The following ROR1 variants were observed in gnomAD, a reference collection of about 807,000 sequenced individuals.
The protein encoded by ROR1 is inactive tyrosine-protein kinase transmembrane receptor ROR1.
Under a neutral mutation model 78.8 loss-of-function variants are expected in ROR1, and 19 were observed. The observed-to-expected ratio is 0.24, with a 90% CI of 0.17 to 0.35. The LOEUF (loss-of-function observed/expected upper bound fraction) is 0.35. ROR1 is among the 10% of genes least tolerant of loss of function. ROR1 has a pLI of 1.00. For missense variants in ROR1, 917 were observed against 1,177.8 expected (o/e 0.78, Z 3.24); for synonymous variants, 386 against 433.6 (o/e 0.89, Z 1.36).
At chr1:64,045,684 TA>T (rs1286374989) in intron 2 of ROR1, among the ~76,000 whole-genome samples, 2 of 152,228 alleles carry the variant, frequency 1.3e-5, no homozygotes, top group African/African-American at 4.8e-5. Context: ...AAAATGTTCA[TA>T]ACAATAACTG....
chr1:63,861,924 A>G (rs1645184726), intron 1 of ROR1, among the ~76,000 whole-genome samples: 1 of 152,176 alleles, frequency 6.6e-6, no homozygotes, highest in Admixed American at 6.5e-5. Flanking sequence ...GATTTTATGT[A>G]TTTGCTAAGA....
chr1:64,123,472 G>A (rs1047698241), intron 4 of ROR1, among the ~76,000 whole-genome samples: 102 of 152,120 alleles, frequency 6.7e-4, no homozygotes, highest in Non-Finnish European at 1.1e-3. Flanking sequence ...TCCCATTTTT[G>A]CCACTTAACT....
At chr1:63,814,763 G>C (rs868837453) in intron 1 of ROR1, among the ~76,000 whole-genome samples, 2 of 152,240 alleles carry the variant, frequency 1.3e-5, no homozygotes, top group Non-Finnish European at 1.5e-5. Flanking sequence ...ATGCAAGTGA[G>C]GGGGAGCAGC....
chr1:64,074,185 G>A (rs545358567), intron 4 of ROR1, among the ~76,000 whole-genome samples: 59 of 152,238 alleles, frequency 3.9e-4, no homozygotes, highest in African/African-American at 1.3e-3. Flanking sequence ...AATCAGGGTG[G>A]CCACATGACC....
chr1:64,011,817 A>G (rs1639945563), intron 2 of ROR1, among the ~76,000 whole-genome samples: 1 of 152,204 alleles, frequency 6.6e-6, no homozygotes, highest in African/African-American at 2.4e-5. Flanking sequence ...TCAAAACCTT[A>G]TCGATTCCTA....
chr1:64,121,994 A>G lies in ROR1; in HGVS notation c.483-15375A>G, dbSNP rs556093250. 2.6e-5 allele frequency among the ~76,000 whole-genome samples: 4 copies of G among 152,308 alleles called. No individual in the cohort carries two copies. The South Asian group carries it at 6.2e-4, about 24-fold the overall frequency. ...ACCAGCTGCCACAACCTGGCCACCAACCAGGTGCTCAATTAGTGCTAGTTG... is the reference window on the plus strand; with the variant it reads ...ACCAGCTGCCACAACCTGGCCACCAGCCAGGTGCTCAATTAGTGCTAGTTG... On this transcript the variant is annotated intron_variant, in intron 4 of 8. Coordinates refer to ENST00000371079, the MANE Select transcript of ROR1 (RefSeq NM_005012.4).
chr1:63,832,946 T>A (rs778163458), intron 1 of ROR1, among the ~76,000 whole-genome samples: 46 of 152,340 alleles, frequency 3.0e-4, no homozygotes, highest in Non-Finnish European at 4.8e-4. Flanking sequence ...TTCTGTCCAT[T>A]TTCTGATAAC....
intron 1 of ROR1, among the ~76,000 whole-genome samples, chr1:63,804,101 T>C (rs1644814078): frequency 6.6e-6 from 1 of 151,982 alleles, no homozygotes; most frequent in Non-Finnish European, 1.5e-5. Flanking sequence ...AGATTAATGG[T>C]TGCCAGGGTT....
chr1:64,101,631 A>G (rs1451907243), intron 4 of ROR1, among the ~76,000 whole-genome samples: 1 of 151,998 alleles, frequency 6.6e-6, no homozygotes, highest in Non-Finnish European at 1.5e-5. Context: ...TGGAGCTTAC[A>G]TTCTTGAGGG....
chr1:64,160,455 A>T (rs1649906282), intron 8 of ROR1, among the ~76,000 whole-genome samples: 1 of 152,056 alleles, frequency 6.6e-6, no homozygotes, highest in East Asian at 1.9e-4. Flanking sequence ...GTGAATTTTT[A>T]TCATTAAAAA....
intron 2 of ROR1, among the ~76,000 whole-genome samples, chr1:64,027,395 A>G (rs1646620971): frequency 1.3e-5 from 2 of 152,106 alleles, no homozygotes; most frequent in African/African-American, 4.8e-5. Flanking sequence ...CTCAACCTAA[A>G]TTATCTGCTG....
At chr1:64,174,883 A>G (rs1175034721) in intron 8 of ROR1, among the ~76,000 whole-genome samples, 1 of 152,116 alleles carries the variant, frequency 6.6e-6, no homozygotes, top group African/African-American at 2.4e-5. Context: ...TTGCTCTCTC[A>G]AAGGAATTCT....
At chr1:63,854,116 A>G (rs1467119416) in intron 1 of ROR1, among the ~76,000 whole-genome samples, 2 of 152,214 alleles carry the variant, frequency 1.3e-5, no homozygotes, top group African/African-American at 4.8e-5. Flanking sequence ...TAGCTTCAGG[A>G]AAAATAAAAC....
intron 2 of ROR1, among the ~76,000 whole-genome samples, chr1:64,029,968 A>C (rs1049611253): frequency 1.3e-5 from 2 of 152,146 alleles, no homozygotes; most frequent in Non-Finnish European, 2.9e-5. Context: ...GTCATTTCCC[A>C]TGAAGCCTTC....
chr1:63,884,015 A>T (rs751311546), intron 1 of ROR1, among the ~76,000 whole-genome samples: 3 of 152,120 alleles, frequency 2.0e-5, no homozygotes, highest in Non-Finnish European at 4.4e-5. Flanking sequence ...CTGGGTAATG[A>T]TAGTAGGGGG....
intron 1 of ROR1, among the ~76,000 whole-genome samples, chr1:63,804,481 G>A (rs1357419198): frequency 6.6e-6 from 1 of 152,116 alleles, no homozygotes. Context: ...ATAAAAGCCT[G>A]GTGCTTGAAT....
intron 1 of ROR1, among the ~76,000 whole-genome samples, chr1:63,845,890 A>G (rs1171735231): frequency 1.3e-5 from 2 of 152,150 alleles, no homozygotes; most frequent in African/African-American, 4.8e-5. Flanking sequence ...TAATTTATAA[A>G]AGATCATGAA....
intron 4 of ROR1, among the ~76,000 whole-genome samples, chr1:64,104,166 C>G (rs1434515913): frequency 6.6e-6 from 1 of 151,924 alleles, no homozygotes; most frequent in African/African-American, 2.4e-5. Flanking sequence ...TATTATTATC[C>G]CCTATTATAG....
At chr1:64,120,279 G>A (rs1401601679) in intron 4 of ROR1, among the ~76,000 whole-genome samples, 1 of 152,152 alleles carries the variant, frequency 6.6e-6, no homozygotes, top group African/African-American at 2.4e-5. Flanking sequence ...GAGGCAGTAG[G>A]TTCATGGAGA....
Sources: allele counts gnomAD v4.1 joint callset (sites outside exome capture counted in the v4.1 genomes callset), GRCh38; gene constraint gnomAD v4.1.1; transcripts MANE v1.5; gene names NCBI Gene and HGNC (gene_info 2026-07-23, HGNC 2026-07-21).